The following LY86 variants were observed in gnomAD, a reference collection of about 807,000 sequenced individuals.
LY86 encodes the protein lymphocyte antigen 86.
Under a neutral mutation model 17.3 loss-of-function variants are expected in LY86, and 20 were observed. That is an observed-to-expected ratio of 1.15 (90% confidence interval 0.81 to 1.68). The LOEUF (loss-of-function observed/expected upper bound fraction) is 1.68. Ranked by LOEUF, LY86 falls within the 40% of genes most tolerant of loss-of-function variation. The pLI is 0.00. For synonymous variants in LY86, 74 were observed against 70.6 expected (o/e 1.05, Z -0.24); for missense variants, 200 against 191.9 (o/e 1.04, Z -0.25).
At chr6:6,592,861 A>G (rs1760576133) in intron 1 of LY86, among the ~76,000 whole-genome samples, 1 of 152,202 alleles carries the variant, frequency 6.6e-6, no homozygotes, top group African/African-American at 2.4e-5. Flanking sequence ...CCCAGTCTAT[A>G]TAATTTGTTA....
intron 1 of LY86, among the ~76,000 whole-genome samples, chr6:6,618,153 A>G (rs1466293363): frequency 6.6e-6 from 1 of 152,104 alleles, no homozygotes; most frequent in Non-Finnish European, 1.5e-5. Flanking sequence ...CGCATTGTTG[A>G]TCTACTCCTA....
Position 6,600,682 on chromosome 6 carries a change from C to T in LY86, c.136+11812C>T, listed in dbSNP as rs1278956816. On this transcript the variant is annotated intron_variant, in intron 1 of 4. Coordinates refer to ENST00000230568, the MANE Select transcript of LY86 (RefSeq NM_004271.4). ...AACACCCCAAAGCTTGAGGCCAGGG[C>T]CTGCTTCTGGTCTTTTCTCCAAATG... 3.3e-5 allele frequency among the ~76,000 whole-genome samples: 5 copies of T among 150,406 alleles called. 1 individual carries two copies. Among genetic ancestry groups the T allele is most frequent in the Admixed American group, 3.3e-4 (5 of 15,110 alleles).
intron 3 of LY86, among the ~76,000 whole-genome samples, chr6:6,643,712 A>G (rs1441336091): frequency 6.6e-6 from 1 of 152,170 alleles, no homozygotes; most frequent in Non-Finnish European, 1.5e-5. Flanking sequence ...ACGCACATAC[A>G]TTCACACACA....
chr6:6,653,475 C>T (rs998349628), intron 4 of LY86, among the ~76,000 whole-genome samples: 4 of 152,312 alleles, frequency 2.6e-5, no homozygotes, highest in East Asian at 1.9e-4. Flanking sequence ...ATCACCGCTC[C>T]GTGGCTGCTG....
At chr6:6,601,920 T>C (rs550857916) in intron 1 of LY86, among the ~76,000 whole-genome samples, 1 of 152,260 alleles carries the variant, frequency 6.6e-6, no homozygotes, top group Non-Finnish European at 1.5e-5. Context: ...TTTATAAATA[T>C]GGCAACTATT....
chr6:6,604,989 ACAG>A (rs545862283), intron 1 of LY86, among the ~76,000 whole-genome samples: 28 of 152,210 alleles, frequency 1.8e-4, no homozygotes, highest in Admixed American at 1.6e-3. Flanking sequence ...AATTCTACAT[ACAG>A]TATAGTTAAG....
intron 3 of LY86, among the ~76,000 whole-genome samples, chr6:6,632,107 A>G (rs368146336): frequency 1.1e-3 from 162 of 152,310 alleles, no homozygotes; most frequent in Non-Finnish European, 1.7e-3. Flanking sequence ...TGCAGCATAA[A>G]TTCAGATCCA....
intron 3 of LY86, among the ~76,000 whole-genome samples, chr6:6,630,123 G>A (rs1453403912): frequency 6.6e-6 from 1 of 152,158 alleles, no homozygotes; most frequent in African/African-American, 2.4e-5. Flanking sequence ...AATCTCGCTT[G>A]CTTTTATGAT....
chr6:6,637,369 C>T (rs1328577301), intron 3 of LY86, among the ~76,000 whole-genome samples: 1 of 152,130 alleles, frequency 6.6e-6, no homozygotes, highest in African/African-American at 2.4e-5. Context: ...TCCTCAAATG[C>T]AAGCATGTTT....
chr6:6,627,869 C>T (rs2113143322), intron 3 of LY86, among the ~76,000 whole-genome samples: 1 of 152,304 alleles, frequency 6.6e-6, no homozygotes, highest in South Asian at 2.1e-4. Context: ...GGATCCATGG[C>T]TTGAACCCAG....
rs1451527443 is a variant in LY86 at position 6,654,875 on chromosome 6, G to C, written c.*248G>C. On this transcript the variant is annotated 3_prime_UTR_variant, in exon 5 of 5. Coordinates refer to ENST00000230568, the MANE Select transcript of LY86 (RefSeq NM_004271.4). ...TTGGCAGTCCTTAAGCAGTCTTGAG[G>C]GTCCATCCTTTTTCTCTAATTGGTC... is the stretch of plus-strand genomic sequence containing the variant. 4.4e-6 allele frequency: 2 copies of C among 449,892 alleles called. No individual in the cohort carries two copies. Among genetic ancestry groups the C allele is most frequent in the African/African-American group, 2.0e-5 (1 of 49,966 alleles). The allele number at this position is 449,892 out of a possible 1,614,324, so 27.9% of individuals were successfully genotyped here.
At chr6:6,606,590 C>T (rs961658891) in intron 1 of LY86, among the ~76,000 whole-genome samples, 23 of 152,288 alleles carry the variant, frequency 1.5e-4, no homozygotes, top group African/African-American at 4.3e-4. Flanking sequence ...TCAGGCATGG[C>T]GGGCTGCAGG....
chr6:6,632,168 C>A (rs1761906962), intron 3 of LY86, among the ~76,000 whole-genome samples: 2 of 152,158 alleles, frequency 1.3e-5, no homozygotes, highest in South Asian at 4.1e-4. Context: ...TTTATAAGAC[C>A]TGTGCCAAAA....
At chr6:6,640,563 T>TA (rs1311289033) in intron 3 of LY86, among the ~76,000 whole-genome samples, 1 of 151,632 alleles carries the variant, frequency 6.6e-6, no homozygotes, top group African/African-American at 2.4e-5. Flanking sequence ...TCTAAAAAAT[T>TA]TTTAAAAATT....
intron 4 of LY86, 90 bp downstream of exon 4, chr6:6,649,767 A>G (rs1329583384): frequency 1.2e-6 from 1 of 809,092 alleles, no homozygotes; most frequent in Non-Finnish European, 2.1e-6. Context: ...AGAAACCAAG[A>G]AAGAAGAGAA....
At position 6,607,335 on chromosome 6, in the gene LY86, AAAC is replaced by A. The variant is rs1429001790; in HGVS notation, c.137-17588_137-17586del. Among the ~76,000 whole-genome samples, 7 of 152,386 alleles carry A rather than the reference AAAC, an allele frequency of 4.6e-5. No individual in the cohort carries two copies. In the East Asian group the frequency reaches 1.3e-3, roughly 29 times the overall value. Reference sequence around the variant, plus strand: ...TGTCATGTGTTTTTTGCCACAATAAAAACAAATATATACATACTTATATACCAA... The same window carrying A: ...TGTCATGTGTTTTTTGCCACAATAAAAAATATATACATACTTATATACCAA... On this transcript the variant is annotated intron_variant, in intron 1 of 4. Transcript: ENST00000230568.
chr6:6,627,379 GA>G (rs1054521544), intron 3 of LY86, among the ~76,000 whole-genome samples: 3 of 152,178 alleles, frequency 2.0e-5, no homozygotes, highest in African/African-American at 4.8e-5. Flanking sequence ...GCAGACAAAA[GA>G]AAACAAGGAA....
chr6:6,625,401 G>A (rs192856446), intron 2 of LY86, among the ~76,000 whole-genome samples: 1 of 152,310 alleles, frequency 6.6e-6, no homozygotes, highest in East Asian at 1.9e-4. Flanking sequence ...TTTGTCATTT[G>A]TGTTATTTTG....
chr6:6,606,867 G>A (rs1470406021), intron 1 of LY86, among the ~76,000 whole-genome samples: 2 of 152,378 alleles, frequency 1.3e-5, no homozygotes, highest in Non-Finnish European at 1.5e-5. Flanking sequence ...CCAGAAAGGG[G>A]CTCCCACAGT....
Sources: gnomAD v4.1 joint callset for allele counts (sites outside exome capture counted in the v4.1 genomes callset) on GRCh38, gnomAD v4.1.1 for gene constraint, MANE v1.5 for transcripts, NCBI Gene and HGNC (gene_info 2026-07-23, HGNC 2026-07-21) for gene names.